CPLANE1: variants seen among roughly 807,000 people sequenced by gnomAD.
CPLANE1 encodes ciliogenesis and planar polarity effector 1.
A neutral mutation model predicts 362.5 loss-of-function variants in CPLANE1; 263 were observed. The observed-to-expected ratio is 0.73, with a 90% confidence interval of 0.66 to 0.80. The LOEUF is 0.80. CPLANE1 is among the 30% of genes least tolerant of loss of function. The pLI is 0.00. For synonymous variants in CPLANE1, 1,212 were observed against 1,302.6 expected (o/e 0.93, Z 1.50); for missense variants, 3,461 against 3,793.4 (o/e 0.91, Z 2.30).
chr5:37,085,702 T>C, the CPLANE1 span: 1 of 1,175,330 alleles, frequency 8.5e-7, no homozygotes, highest in Non-Finnish European at 1.3e-6. Context: ...AAGATGTCAA[T>C]GGCAACAGCT....
At chr5:37,150,519 C>T (rs189032166) in intron 42 of CPLANE1, among the ~76,000 whole-genome samples, 63 of 152,032 alleles carry the variant, frequency 4.1e-4, no homozygotes, top group Non-Finnish European at 6.2e-4. Context: ...CCAACACACA[C>T]GCGCGCACAC....
rs1423460341 is a variant in CPLANE1, at chr5:37,187,957, T to G, written c.3812-115A>C. ...AAATAAAGGTCTTTATTTCATTCAT[T>G]ATAAAATGAACACATGCTCATTGTA... On this transcript the variant is annotated intron_variant, in intron 21 of 52. Coordinates refer to ENST00000651892, the MANE Select transcript of CPLANE1 (RefSeq NM_001384732.1). 3.4e-5 allele frequency: 20 copies of G among 592,944 alleles called. No individual in the cohort carries two copies. In the East Asian group the frequency reaches 5.7e-4, roughly 17 times the overall value. The allele number at this position is 592,944 out of a possible 1,614,324, so 36.7% of individuals were successfully genotyped here.
chr5:37,144,245 T>A (rs930624952), intron 43 of CPLANE1, among the ~76,000 whole-genome samples: 4 of 151,208 alleles, frequency 2.6e-5, no homozygotes, highest in African/African-American at 9.7e-5. Flanking sequence ...CCGTCTCTAC[T>A]AAAAATACAA....
chr5:37,132,114 C>T (rs1416312564), intron 46 of CPLANE1, among the ~76,000 whole-genome samples: 2 of 151,976 alleles, frequency 1.3e-5, no homozygotes, highest in Non-Finnish European at 2.9e-5. Flanking sequence ...ACAGCAGATA[C>T]ATCGAATAAT....
At chr5:37,125,061 C>T (rs1763762712) in intron 47 of CPLANE1, 183 bp downstream of exon 47, 1 of 1,372,714 alleles carries the variant, frequency 7.3e-7, no homozygotes, top group African/African-American at 1.5e-5. Context: ...ACTTGGTTAG[C>T]ACAATATGCT....
chr5:37,091,232 T>C, the CPLANE1 span, among the ~76,000 whole-genome samples: 1 of 152,160 alleles, frequency 6.6e-6, no homozygotes, highest in East Asian at 1.9e-4. Flanking sequence ...AAAACTTAGA[T>C]ATGTACATGT....
At chr5:37,113,954 A>C (rs1760127468) in intron 51 of CPLANE1, among the ~76,000 whole-genome samples, 1 of 152,202 alleles carries the variant, frequency 6.6e-6, no homozygotes, top group Non-Finnish European at 1.5e-5. Flanking sequence ...CTGGGACTAC[A>C]GGCACATGCC....
chr5:37,236,119 C>T (rs1798935540), intron 8 of CPLANE1, among the ~76,000 whole-genome samples: 1 of 152,134 alleles, frequency 6.6e-6, no homozygotes, highest in East Asian at 1.9e-4. Flanking sequence ...AGGTGATCCA[C>T]CCACCTTGGC....
chr5:37,217,603 T>G (rs1794385494), intron 15 of CPLANE1, among the ~76,000 whole-genome samples: 2 of 139,770 alleles, frequency 1.4e-5, no homozygotes, highest in African/African-American at 6.4e-5. Context: ...CGAGACACCA[T>G]CTCAAATAAA....
At chr5:37,214,997 CT>C (rs1231012443) in intron 15 of CPLANE1, among the ~76,000 whole-genome samples, 1 of 152,188 alleles carries the variant, frequency 6.6e-6, no homozygotes, top group African/African-American at 2.4e-5. Context: ...ATAACATAAA[CT>C]TGTGGTATCA....
intron 29 of CPLANE1, 77 bp from the exon 30 acceptor site, chr5:37,177,777 A>T: frequency 1.8e-6 from 2 of 1,109,430 alleles, no homozygotes; most frequent in South Asian, 2.7e-5. Flanking sequence ...TTTGAGTCTC[A>T]TATTAGCCAC....
chr5:37,214,022 A>C (rs1189881257), intron 15 of CPLANE1, among the ~76,000 whole-genome samples: 1 of 152,156 alleles, frequency 6.6e-6, no homozygotes, highest in Admixed American at 6.5e-5. Flanking sequence ...GAGATTTGTG[A>C]CAATTTGAAA....
chr5:37,113,489 G>C (rs1759941331), intron 51 of CPLANE1, among the ~76,000 whole-genome samples: 1 of 152,160 alleles, frequency 6.6e-6, no homozygotes, highest in Non-Finnish European at 1.5e-5. Context: ...CATGAGAACA[G>C]ACTAATACAC....
intron 32 of CPLANE1, among the ~76,000 whole-genome samples, chr5:37,173,288 TG>T (rs1780294963): frequency 1.3e-5 from 2 of 152,312 alleles, no homozygotes; most frequent in Non-Finnish European, 2.9e-5. Context: ...TAGTGTCAGC[TG>T]GAAAATAAAC....
chr5:37,173,778 C>T lies in CPLANE1; in HGVS notation c.6148G>A (p.Asp2050Asn). The stretch of plus-strand genomic sequence containing the variant: ...ACCTGAACTAATTTAAACATTTCAT[C>T]TTGCAGCATCTGCCTAACGGACTCC... ...CSESVRQMLQ[D>N]EMFKLVQLQQ... Residue 2050 changes from aspartate (D) to asparagine (N), a missense_variant, in exon 32 of 53, where the codon GAT becomes AAT. By Grantham distance (23) the Asp-to-Asn change is conservative. Transcript: ENST00000651892. 1 of 1,614,110 alleles carries T rather than the reference C, an allele frequency of 6.2e-7. No individual in the cohort carries two copies. Among genetic ancestry groups the T allele is most frequent in the Non-Finnish European group, 8.5e-7 (1 of 1,180,016 alleles).
At chr5:37,154,090 C>T (rs1354483902) in intron 41 of CPLANE1, 97 bp from the exon 42 acceptor site, 1 of 1,021,288 alleles carries the variant, frequency 9.8e-7, no homozygotes, top group Admixed American at 2.7e-5. Flanking sequence ...TAAACCAACA[C>T]AACACTACTT....
At chr5:37,078,830 T>C in the CPLANE1 span, among the ~76,000 whole-genome samples, 1 of 152,196 alleles carries the variant, frequency 6.6e-6, no homozygotes, top group African/African-American at 2.4e-5. Context: ...CTTCTTTTCA[T>C]AGGTTTGTTG....
At chr5:37,076,280 G>GAAA in the CPLANE1 span, among the ~76,000 whole-genome samples, 1 of 150,980 alleles carries the variant, frequency 6.6e-6, no homozygotes, top group South Asian at 2.1e-4. Context: ...AAAGAAAAGA[G>GAAA]AAAATTTGGG....
In CPLANE1 at chr5:37,221,468, G is replaced by A. The variant is rs771266513; in HGVS notation, c.2602C>T (p.Leu868Phe). Residue 868 changes from leucine to phenylalanine, a missense_variant, in exon 15 of 53, where the codon CTT becomes TTT. By Grantham distance (22) the Leu-to-Phe change is conservative. Transcript: ENST00000651892. ...AGAGAAAGATAATAGCGTATCTGAA[G>A]AAAATACGTCCTTCTTCCTCCTGAA... ...EEKGGRRTYF[L>F]QIRYYLSLLY... The A allele has an allele frequency of 9.3e-6, 14 of 1,502,588 alleles. No individual in the cohort carries two copies. The highest frequency in any genetic ancestry group is 1.2e-5 in the Non-Finnish European group (14 of 1,130,922). 93.1% of individuals were successfully genotyped at this position (1,502,588 alleles called of 1,614,324 possible).
Sources: gnomAD v4.1 joint callset for allele counts (sites outside exome capture counted in the v4.1 genomes callset) on GRCh38, gnomAD v4.1.1 for gene constraint, MANE v1.5 for transcripts, NCBI Gene and HGNC (gene_info 2026-07-23, HGNC 2026-07-21) for gene names.